HMX3: variants seen among roughly 807,000 people sequenced by gnomAD.
HMX3 encodes homeobox protein HMX3.
HMX3 carries 8 observed loss-of-function variants against 22.8 expected under a neutral mutation model. That is an observed-to-expected ratio of 0.35 (90% CI 0.21 to 0.63). The LOEUF is 0.63. Ranked by LOEUF, HMX3 falls within the 30% of genes least tolerant of loss-of-function variation. HMX3 has a pLI of 0.72. For missense variants in HMX3, 527 were observed against 520.6 expected, an observed-to-expected ratio of 1.01 and a Z score of -0.12; for synonymous variants, 331 against 250.9, an observed-to-expected ratio of 1.32 and a Z score of -3.02.
At position 123,138,091 on chromosome 10, in the gene HMX3, T is replaced by G. The variant is rs960432096; in HGVS notation, c.*360T>G. 6.6e-6 allele frequency among the ~76,000 whole-genome samples: 1 copy of G among 152,064 alleles called. No individual in the cohort carries two copies. Among genetic ancestry groups the G allele is most frequent in the African/African-American group, 2.4e-5 (1 of 41,398 alleles). On this transcript the variant is annotated 3_prime_UTR_variant, in exon 2 of 2. Transcript: ENST00000357878. ...TTGCGCGGTGGCTTTTTGGTTTTAT[T>G]TTTATAGAAGGAAAATAAGCGCAAA...
Position 123,137,274 on chromosome 10 carries a change from C to A in HMX3, c.617C>A (p.Thr206Asn), listed in dbSNP as rs746859866. ...AGASVGAAAATPGAEDWKKGA... is the reference protein window; with the variant it reads ...AGASVGAAAANPGAEDWKKGA... ...GCGAGCGTAGGGGCGGCGGCGGCCA[C>A]TCCGGGCGCAGAAGACTGGAAGAAG... Residue 206 changes from threonine (T) to asparagine (N), a missense_variant, in exon 2 of 2, where the codon ACT (threonine) becomes AAT (asparagine). By Grantham distance (65) the Thr-to-Asn change is moderately conservative (BLOSUM62 0). Around this residue, in one of 3 missense-constraint regions of HMX3, gnomAD observed 386 missense variants for 337.8 expected, o/e 1.14. Transcript: ENST00000357878. The surrounding 1 kb of genome is among the most constrained non-coding windows in gnomAD (Gnocchi z 5.8). 1.3e-6 allele frequency: 2 copies of A among 1,594,608 alleles called. No homozygotes were observed. Among genetic ancestry groups the A allele is most frequent in the East Asian group, 4.6e-5 (2 of 43,898 alleles).
In HMX3 at chr10:123,136,378, C is replaced by G; in HGVS notation, c.328C>G (p.Leu110Val). ...AQRFALPAHY[L>V]ERSPAWWYPY... Reference sequence around the variant, plus strand: ...GAGGTTTGCCCTGCCCGCGCACTACCTGGAGCGCTCCCCAGCCTGGTGGTA... The same window carrying G: ...GAGGTTTGCCCTGCCCGCGCACTACGTGGAGCGCTCCCCAGCCTGGTGGTA... The change falls in exon 1 of 2, where the codon CTG becomes GTG. Residue 110 changes from leucine to valine, a missense_variant. Physicochemically the swap from Leu to Val is conservative, Grantham distance 32. This residue lies in a region of HMX3 where 386 missense variants were observed against 337.8 expected (regional missense o/e 1.14). Transcript: ENST00000357878. The surrounding 1 kb of genome is among the most constrained non-coding windows in gnomAD (Gnocchi z 4.8). The G allele has an allele frequency of 6.4e-7, 1 of 1,565,740 alleles. No individual in the cohort carries two copies. The highest frequency in any genetic ancestry group is 1.2e-5 in the South Asian group (1 of 86,150).
chr10:123,136,785 T>C lies in HMX3; in HGVS notation c.401-273T>C, dbSNP rs1432272820. 1.3e-5 allele frequency among the ~76,000 whole-genome samples: 2 copies of C among 151,958 alleles called. No homozygotes were observed. Among genetic ancestry groups the C allele is most frequent in the Non-Finnish European group, 1.5e-5 (1 of 67,994 alleles). On this transcript the variant is annotated intron_variant, in intron 1 of 1. Coordinates refer to ENST00000357878, the MANE Select transcript of HMX3 (RefSeq NM_001105574.2). This position sits in a 1 kb window ranked among gnomAD's most constrained non-coding sequence, Gnocchi z 4.8. ...ATGCGCCTAAGCCGAAAGGGAACCG[T>C]TCTGCCGGCCCCTGGCGAGGAAGCT... is the stretch of plus-strand genomic sequence containing the variant.
Position 123,135,973 on chromosome 10 carries a change from T to A in HMX3, c.-78T>A. 3.1e-6 allele frequency: 4 copies of A among 1,281,848 alleles called. No homozygotes were observed. Among genetic ancestry groups the A allele is most frequent in the Non-Finnish European group, 2.0e-6 (2 of 1,007,734 alleles). 79.4% of individuals were successfully genotyped at this position (1,281,848 alleles called of 1,614,324 possible). The stretch of plus-strand genomic sequence containing the variant: ...AGTTGAGTTCCGTTTATGGTCTGAT[T>A]TCCGGCCTCTCGCCTGCTCGCCCCG... On this transcript the variant is annotated 5_prime_UTR_variant, in exon 1 of 2. Coordinates refer to ENST00000357878, the MANE Select transcript of HMX3 (RefSeq NM_001105574.2).
In HMX3 at chr10:123,138,720, C is replaced by T. The variant is rs184923901; in HGVS notation, c.*989C>T. Among the ~76,000 whole-genome samples, 5 of 152,124 alleles carry T rather than the reference C, an allele frequency of 3.3e-5. No individual in the cohort carries two copies. Among genetic ancestry groups the T allele is most frequent in the Admixed American group, 6.5e-5 (1 of 15,272 alleles). On this transcript the variant is annotated 3_prime_UTR_variant, in exon 2 of 2. Transcript: ENST00000357878. ...CTAAGTGTCTAAAGAGAAAAGACAG[C>T]CAAAAATCAGAACTCTGACTATTTG...
Position 123,136,948 on chromosome 10 carries a change from C to T in HMX3, c.401-110C>T, listed in dbSNP as rs1376529404. On this transcript the variant is annotated intron_variant, in intron 1 of 1. Coordinates refer to ENST00000357878, the MANE Select transcript of HMX3 (RefSeq NM_001105574.2). The surrounding 1 kb of genome is among the most constrained non-coding windows in gnomAD (Gnocchi z 4.8). Reference sequence around the variant, plus strand: ...CCGCGGGAATGGTGAGGCCTCATGGCCTGGGACCTGGAGGCCGGCGCGGGT... The same window carrying T: ...CCGCGGGAATGGTGAGGCCTCATGGTCTGGGACCTGGAGGCCGGCGCGGGT... 11 of 1,317,162 alleles carry T rather than the reference C, an allele frequency of 8.4e-6. No homozygotes were observed. In the Admixed American group the frequency reaches 2.9e-4, roughly 34 times the overall value. The allele number at this position is 1,317,162 out of a possible 1,614,324, so 81.6% of individuals were successfully genotyped here.
At position 123,137,654 on chromosome 10, in the gene HMX3, C is replaced by T. The variant is rs1034192041; in HGVS notation, c.997C>T (p.Pro333Ser). 4 of 1,502,398 alleles carry T rather than the reference C, an allele frequency of 2.7e-6. No homozygotes were observed. In the African/African-American group the frequency reaches 4.2e-5, roughly 16 times the overall value. 93.1% of individuals were successfully genotyped at this position (1,502,398 alleles called of 1,614,324 possible). The change falls in exon 2 of 2, where the codon CCG becomes TCG. Residue 333 changes from proline (P) to serine (S), a missense_variant. Coordinates refer to ENST00000357878, the MANE Select transcript of HMX3 (RefSeq NM_001105574.2). This position sits in a 1 kb window ranked among gnomAD's most constrained non-coding sequence, Gnocchi z 5.8. ...GGGGGCCCCGGTGCCAGTCAGCCAG[C>T]CGCTGCTCACCTTCCCGCACCCCGT... ...AAGAPVPVSQ[P>S]LLTFPHPVYY... is the part of the protein sequence containing the mutation.
In HMX3 at chr10:123,136,847, T is replaced by C. The variant is rs1163396835; in HGVS notation, c.401-211T>C. On this transcript the variant is annotated intron_variant, in intron 1 of 1. Transcript: ENST00000357878. This position sits in a 1 kb window ranked among gnomAD's most constrained non-coding sequence, Gnocchi z 4.8. ...AGGAGGTGGCCGCGCTACCACCATCTGCTTGCCTGTCCTCGGGAGGAGGGG... is the reference window on the plus strand; with the variant it reads ...AGGAGGTGGCCGCGCTACCACCATCCGCTTGCCTGTCCTCGGGAGGAGGGG... Among the ~76,000 whole-genome samples the C allele has an allele frequency of 6.6e-6, 1 of 152,108 alleles. No individual in the cohort carries two copies. The highest frequency in any genetic ancestry group is 2.4e-5 in the African/African-American group (1 of 41,454).
Position 123,137,342 on chromosome 10 carries a change from A to G in HMX3, c.685A>G (p.Lys229Glu). Residue 229 changes from lysine (K) to glutamate (E), a missense_variant, in exon 2 of 2, where the codon AAG becomes GAG. This residue lies in a region of HMX3 where 386 missense variants were observed against 337.8 expected (regional missense o/e 1.14). Coordinates refer to ENST00000357878, the MANE Select transcript of HMX3 (RefSeq NM_001105574.2). The surrounding 1 kb of genome is among the most constrained non-coding windows in gnomAD (Gnocchi z 5.8). The stretch of plus-strand genomic sequence containing the variant: ...GAAGAAGCCGGCGTGCCGCAAGAAG[A>G]AGACGCGCACAGTCTTCTCGCGCAG... The part of the protein sequence containing the change: ...PEKKPACRKK[K>E]TRTVFSRSQV... 1 of 1,612,750 alleles carries G rather than the reference A, an allele frequency of 6.2e-7. No individual in the cohort carries two copies. Among genetic ancestry groups the G allele is most frequent in the Non-Finnish European group, 8.5e-7 (1 of 1,179,710 alleles).
At position 123,136,251 on chromosome 10, in the gene HMX3, T is replaced by C. The variant is rs952475606; in HGVS notation, c.201T>C (p.Ala67=). Residue 67 remains alanine (A), a synonymous_variant, in exon 1 of 2, where the codon GCT becomes GCC. Transcript: ENST00000357878. This position sits in a 1 kb window ranked among gnomAD's most constrained non-coding sequence, Gnocchi z 4.8. ...APASAAAAAA[A]AAAAAAKGAL... is the part of the protein sequence containing the mutation. ...CCTCGGCTGCCGCCGCCGCCGCCGC[T>C]GCCGCTGCCGCGGCGGCCAAGGGGG... The C allele has an allele frequency of 3.0e-5, 41 of 1,353,610 alleles. No individual in the cohort carries two copies. In the East Asian group the frequency reaches 8.2e-4, roughly 27 times the overall value. 83.8% of individuals were successfully genotyped at this position (1,353,610 alleles called of 1,614,324 possible).
Position 123,137,201 on chromosome 10 carries a change from T to C in HMX3, c.544T>C (p.Ser182Pro), listed in dbSNP as rs1456254804. The change falls in exon 2 of 2, where the codon TCC becomes CCC. Residue 182 changes from serine (S) to proline (P), a missense_variant. By Grantham distance (74) the Ser-to-Pro change is moderately conservative (BLOSUM62 -1). This residue lies in a region of HMX3 where 386 missense variants were observed against 337.8 expected (regional missense o/e 1.14). Transcript: ENST00000357878. This position sits in a 1 kb window ranked among gnomAD's most constrained non-coding sequence, Gnocchi z 5.8. ...PDEIILEESDSEESKKEGEAA... is the reference protein window; with the variant it reads ...PDEIILEESDPEESKKEGEAA... ...CGAGATCATTCTGGAGGAGAGCGAC[T>C]CCGAGGAAAGCAAAAAGGAAGGCGA... is the stretch of plus-strand genomic sequence containing the variant. The C allele has an allele frequency of 1.3e-6, 2 of 1,599,998 alleles. No homozygotes were observed. Among genetic ancestry groups the C allele is most frequent in the South Asian group, 2.2e-5 (2 of 89,340 alleles).
chr10:123,137,581 C>T lies in HMX3; in HGVS notation c.924C>T (p.Ile308=), dbSNP rs1410609115. ...CGCAGCGCATCGTGCGGGTGCCCAT[C>T]CTCTACCACGAGAACTCGGCGGCCG... ...AAAQRIVRVP[I]LYHENSAAEG... is the part of the protein sequence containing the mutation. Residue 308 remains isoleucine (I), a synonymous_variant, in exon 2 of 2, where the codon ATC becomes ATT. Coordinates refer to ENST00000357878, the MANE Select transcript of HMX3 (RefSeq NM_001105574.2). The surrounding 1 kb of genome is among the most constrained non-coding windows in gnomAD (Gnocchi z 5.8). 2 of 1,603,196 alleles carry T rather than the reference C, an allele frequency of 1.2e-6. No individual in the cohort carries two copies. The highest frequency in any genetic ancestry group is 1.7e-6 in the Non-Finnish European group (2 of 1,176,378).
Position 123,136,019 on chromosome 10 carries a change from C to A in HMX3, c.-32C>A. 1 of 1,331,088 alleles carries A rather than the reference C, an allele frequency of 7.5e-7. No individual in the cohort carries two copies. Among genetic ancestry groups the A allele is most frequent in the South Asian group, 2.2e-5 (1 of 46,274 alleles). The allele number at this position is 1,331,088 out of a possible 1,614,324, so 82.5% of individuals were successfully genotyped here. ...CCCCGCCGCCCGCCTGTCCCGCTCCCTCCCTCCCGGGGACCCGGAGGAGAG... is the reference window on the plus strand; with the variant it reads ...CCCCGCCGCCCGCCTGTCCCGCTCCATCCCTCCCGGGGACCCGGAGGAGAG... On this transcript the variant is annotated 5_prime_UTR_variant, in exon 1 of 2. Coordinates refer to ENST00000357878, the MANE Select transcript of HMX3 (RefSeq NM_001105574.2). This position sits in a 1 kb window ranked among gnomAD's most constrained non-coding sequence, Gnocchi z 4.8.
chr10:123,137,093 G>T lies in HMX3; in HGVS notation c.436G>T (p.Ala146Ser). The change falls in exon 2 of 2, where the codon GCC (alanine) becomes TCC (serine). Residue 146 changes from alanine (A) to serine (S), a missense_variant. Physicochemically the swap from Ala to Ser is moderately conservative, Grantham distance 99. Coordinates refer to ENST00000357878, the MANE Select transcript of HMX3 (RefSeq NM_001105574.2). The surrounding 1 kb of genome is among the most constrained non-coding windows in gnomAD (Gnocchi z 5.8). ...GGCCTTGCTGAGAGACTCCTCCCCCGCCTCCGGCACAGACCGCGACTCTCC... is the reference window on the plus strand; with the variant it reads ...GGCCTTGCTGAGAGACTCCTCCCCCTCCTCCGGCACAGACCGCGACTCTCC... ...EKALLRDSSP[A>S]SGTDRDSPEP... is the part of the protein sequence containing the mutation. 1 of 1,610,370 alleles carries T rather than the reference G, an allele frequency of 6.2e-7. No homozygotes were observed. Among genetic ancestry groups the T allele is most frequent in the Non-Finnish European group, 8.5e-7 (1 of 1,178,964 alleles).
Position 123,136,421 on chromosome 10 carries a change from C to A in HMX3, c.371C>A (p.Pro124His). 6.7e-7 allele frequency: 1 copy of A among 1,490,248 alleles called. No homozygotes were observed. Among genetic ancestry groups the A allele is most frequent in the Non-Finnish European group, 8.9e-7 (1 of 1,118,422 alleles). 92.3% of individuals were successfully genotyped at this position (1,490,248 alleles called of 1,614,324 possible). Residue 124 changes from proline to histidine, a missense_variant, in exon 1 of 2, where the codon CCC becomes CAC. Around this residue, in one of 3 missense-constraint regions of HMX3, gnomAD observed 386 missense variants for 337.8 expected, o/e 1.14. Transcript: ENST00000357878. The surrounding 1 kb of genome is among the most constrained non-coding windows in gnomAD (Gnocchi z 4.8). Reference sequence around the variant, plus strand: ...TGGTGGTACCCCTACACCCTGACCCCCGCCGGCGGCCACCTCCCGCGACCT... The same window carrying A: ...TGGTGGTACCCCTACACCCTGACCCACGCCGGCGGCCACCTCCCGCGACCT... ...PAWWYPYTLT[P>H]AGGHLPRPEA...
chr10:123,136,084 G>A lies in HMX3; in HGVS notation c.34G>A (p.Ala12Thr). ...PEPGPDAAGT[A>T]SAQPQPPPPP... ...ACCCGGGCCGGACGCTGCCGGCACC[G>A]CCAGCGCACAGCCCCAACCGCCGCC... Residue 12 changes from alanine to threonine, a missense_variant, in exon 1 of 2, where the codon GCC becomes ACC. This residue lies in a region of HMX3 where 386 missense variants were observed against 337.8 expected (regional missense o/e 1.14). Coordinates refer to ENST00000357878, the MANE Select transcript of HMX3 (RefSeq NM_001105574.2). This position sits in a 1 kb window ranked among gnomAD's most constrained non-coding sequence, Gnocchi z 4.8. 1.4e-6 allele frequency: 2 copies of A among 1,398,992 alleles called. No homozygotes were observed. The highest frequency in any genetic ancestry group is 1.6e-5 in the South Asian group (1 of 60,768). The allele number at this position is 1,398,992 out of a possible 1,614,324, so 86.7% of individuals were successfully genotyped here.
rs1405945085 is a variant in HMX3 at position 123,138,789 on chromosome 10, A to T, written c.*1058A>T. Among the ~76,000 whole-genome samples, 1 of 152,244 alleles carries T rather than the reference A, an allele frequency of 6.6e-6. No individual in the cohort carries two copies. Reference sequence around the variant, plus strand: ...CCTGGTCTAAGTGGTCTTATTTATTAGTAGCATTTATTTTGAGAATTTCAT... The same window carrying T: ...CCTGGTCTAAGTGGTCTTATTTATTTGTAGCATTTATTTTGAGAATTTCAT... On this transcript the variant is annotated 3_prime_UTR_variant, in exon 2 of 2. Coordinates refer to ENST00000357878, the MANE Select transcript of HMX3 (RefSeq NM_001105574.2).
chr10:123,137,236 A>G lies in HMX3; in HGVS notation c.579A>G (p.Pro193=), dbSNP rs373545765. 32 of 1,594,636 alleles carry G rather than the reference A, an allele frequency of 2.0e-5. No individual in the cohort carries two copies. In the African/African-American group the frequency reaches 3.8e-4, roughly 19 times the overall value. The part of the protein sequence containing the change: ...EESKKEGEAA[P]GAAGASVGAA... ...GCAAAAAGGAAGGCGAAGCGGCGCCAGGCGCGGCCGGGGCGAGCGTAGGGG... is the reference window on the plus strand; with the variant it reads ...GCAAAAAGGAAGGCGAAGCGGCGCCGGGCGCGGCCGGGGCGAGCGTAGGGG... Residue 193 remains proline, a synonymous_variant, in exon 2 of 2, where the codon CCA becomes CCG. Coordinates refer to ENST00000357878, the MANE Select transcript of HMX3 (RefSeq NM_001105574.2). This position sits in a 1 kb window ranked among gnomAD's most constrained non-coding sequence, Gnocchi z 5.8.
rs1844107220 is a variant in HMX3 at position 123,138,779 on chromosome 10, C to T, written c.*1048C>T. 6.6e-6 allele frequency among the ~76,000 whole-genome samples: 1 copy of T among 152,164 alleles called. No homozygotes were observed. The highest frequency in any genetic ancestry group is 2.4e-5 in the African/African-American group (1 of 41,422). On this transcript the variant is annotated 3_prime_UTR_variant, in exon 2 of 2. Coordinates refer to ENST00000357878, the MANE Select transcript of HMX3 (RefSeq NM_001105574.2). ...CCATATCTGGCCTGGTCTAAGTGGT[C>T]TTATTTATTAGTAGCATTTATTTTG...
Sources: allele counts gnomAD v4.1 joint callset (sites outside exome capture counted in the v4.1 genomes callset), GRCh38; gene constraint gnomAD v4.1.1; regional missense constraint gnomAD v4.1.1; non-coding constraint Gnocchi (gnomAD v3.1); transcripts MANE v1.5; gene names NCBI Gene and HGNC (gene_info 2026-07-23, HGNC 2026-07-21).